The following NALCN variants were observed in gnomAD, a reference collection of about 807,000 sequenced individuals.
The protein encoded by NALCN is sodium leak channel, non-selective.
NALCN carries 111 observed loss-of-function variants against 225.3 expected under a neutral mutation model. The observed-to-expected ratio is 0.49, with a 90% CI of 0.42 to 0.58. The LOEUF is 0.58. Among genes scored for constraint, NALCN ranks in the 20% least tolerant of loss-of-function variants. NALCN has a pLI of 0.00. For synonymous variants in NALCN, 764 were observed against 769.0 expected (o/e 0.99, Z 0.11); for missense variants, 1,378 against 2,202.4 (o/e 0.63, Z 7.49).
chr13:101,334,487 ACT>A (rs2045310996), intron 7 of NALCN, among the ~76,000 whole-genome samples: 1 of 151,822 alleles, frequency 6.6e-6, no homozygotes, highest in African/African-American at 2.4e-5. Context: ...AAGAGAATGG[ACT>A]GCCAGTGTTC....
At chr13:101,313,863 T>C (rs529625214) in intron 7 of NALCN, among the ~76,000 whole-genome samples, 1 of 152,184 alleles carries the variant, frequency 6.6e-6, no homozygotes, top group East Asian at 1.9e-4. Flanking sequence ...CATGCACATG[T>C]ATGTTTATTG....
intron 7 of NALCN, among the ~76,000 whole-genome samples, chr13:101,339,935 G>A (rs2045501865): frequency 6.6e-6 from 1 of 152,068 alleles, no homozygotes; most frequent in Admixed American, 6.5e-5. Context: ...AAAATGAAAT[G>A]GGAGATATGA....
At chr13:101,406,346 G>T (rs2139537183) in intron 1 of NALCN, among the ~76,000 whole-genome samples, 1 of 151,936 alleles carries the variant, frequency 6.6e-6, no homozygotes, top group Admixed American at 6.6e-5. Flanking sequence ...AAAGAAAAAA[G>T]AATATGCACT....
chr13:101,342,224 C>A (rs1032081625), intron 7 of NALCN, among the ~76,000 whole-genome samples: 22 of 152,090 alleles, frequency 1.4e-4, no homozygotes, highest in African/African-American at 5.3e-4. Flanking sequence ...ACCTGGAGAG[C>A]CTTTAAAAGC....
At chr13:101,170,306 G>A (rs2038652921) in intron 15 of NALCN, among the ~76,000 whole-genome samples, 1 of 152,154 alleles carries the variant, frequency 6.6e-6, no homozygotes, top group African/African-American at 2.4e-5. Flanking sequence ...TTTACATGGT[G>A]CAGGCAATGA....
chr13:101,300,351 C>CTTCT (rs71121181), intron 7 of NALCN, among the ~76,000 whole-genome samples: 13 of 134,540 alleles, frequency 9.7e-5, no homozygotes, highest in African/African-American at 1.4e-4. Flanking sequence ...TTTTCTTTTT[C>CTTCT]TTCTTTCTTT....
intron 17 of NALCN, 60 bp from the exon 18 acceptor site, chr13:101,124,741 A>G: frequency 7.8e-7 from 1 of 1,287,734 alleles, no homozygotes; most frequent in Non-Finnish European, 1.1e-6. Flanking sequence ...TATACTGTCA[A>G]ATCATTCAAT....
At chr13:101,072,195 A>G (rs775879453) in intron 37 of NALCN, among the ~76,000 whole-genome samples, 55 of 152,368 alleles carry the variant, frequency 3.6e-4, no homozygotes, top group Admixed American at 8.5e-4. Context: ...AGAACCAGAA[A>G]GTGAGCAAAC....
chr13:101,069,014 T>C (rs1174909455), intron 37 of NALCN, among the ~76,000 whole-genome samples, 187 bp from the exon 38 acceptor site: 3 of 152,268 alleles, frequency 2.0e-5, no homozygotes, highest in African/African-American at 7.2e-5. Context: ...ATTTCACTTA[T>C]GCTATGCTGT....
At chr13:101,356,485 A>T (rs2046065449) in intron 6 of NALCN, among the ~76,000 whole-genome samples, 2 of 152,206 alleles carry the variant, frequency 1.3e-5, no homozygotes, top group Non-Finnish European at 2.9e-5. Context: ...CACCCTCCCA[A>T]GAAGTTGGCT....
chr13:101,310,481 AACT>A (rs1229535813), intron 7 of NALCN, among the ~76,000 whole-genome samples: 2 of 151,948 alleles, frequency 1.3e-5, no homozygotes, highest in African/African-American at 2.4e-5. Context: ...GCCCCTTCCC[AACT>A]ACTACATTTT....
chr13:101,120,264 C>T (rs1038698295), intron 18 of NALCN, among the ~76,000 whole-genome samples: 2 of 152,134 alleles, frequency 1.3e-5, no homozygotes, highest in Non-Finnish European at 2.9e-5. Flanking sequence ...AGCTTAATTT[C>T]CAGGGCTGAG....
chr13:101,358,601 T>G (rs151136002), intron 6 of NALCN, among the ~76,000 whole-genome samples: 4,916 of 152,276 alleles, frequency 0.032, 270 homozygotes, highest in African/African-American at 0.11. Flanking sequence ...TTGGTAGGAA[T>G]GTAAATTAGT....
At chr13:101,187,680 C>A (rs960139432) in intron 14 of NALCN, among the ~76,000 whole-genome samples, 1 of 152,092 alleles carries the variant, frequency 6.6e-6, no homozygotes, top group African/African-American at 2.4e-5. Context: ...CAATTGATAC[C>A]AGTGTTCACT....
rs57799563 is a variant in NALCN, at chr13:101,064,559, T to TACACACACAC, written c.4604+835_4604+844dup. Among the ~76,000 whole-genome samples, 1,027 of 148,292 alleles carry TACACACACAC rather than the reference T, an allele frequency of 6.9e-3. 10 individuals carry two copies. Among genetic ancestry groups the TACACACACAC allele is most frequent in the African/African-American group, 0.017 (673 of 40,314 alleles). Reference sequence around the variant, plus strand: ...ATAAAAGGAGGAATTTGAACATAGATACACACACACACACACACACACACA... The same window carrying TACACACACAC: ...ATAAAAGGAGGAATTTGAACATAGATACACACACACACACACACACACACACACACACACA... On this transcript the variant is annotated intron_variant, in intron 40 of 43. Coordinates refer to ENST00000251127, the MANE Select transcript of NALCN (RefSeq NM_052867.4).
At chr13:101,071,009 C>T (rs2032841217) in intron 37 of NALCN, among the ~76,000 whole-genome samples, 1 of 152,136 alleles carries the variant, frequency 6.6e-6, no homozygotes, top group Non-Finnish European at 1.5e-5. Context: ...TCTTATAAAA[C>T]CATCAGATCT....
intron 37 of NALCN, among the ~76,000 whole-genome samples, chr13:101,070,063 G>GTTTTTTTTTTTTTTTTT (rs71121162): frequency 1.0e-5 from 1 of 98,310 alleles, no homozygotes; most frequent in Non-Finnish European, 1.8e-5. Flanking sequence ...AATCATGAAT[G>GTTTTTTTTTTTTTTTTT]TTTTTTTTTT....
intron 37 of NALCN, among the ~76,000 whole-genome samples, chr13:101,069,829 A>G (rs946489457): frequency 6.6e-6 from 1 of 152,170 alleles, no homozygotes; most frequent in African/African-American, 2.4e-5. Flanking sequence ...GATCATCCAT[A>G]AGGAGCAATC....
intron 4 of NALCN, among the ~76,000 whole-genome samples, chr13:101,377,561 T>TA (rs994094567): frequency 7.2e-5 from 11 of 152,030 alleles, no homozygotes; most frequent in African/African-American, 2.4e-4. Flanking sequence ...CAAAGCTGAT[T>TA]AAAAAAATAT....
Sources: allele counts gnomAD v4.1 joint callset (sites outside exome capture counted in the v4.1 genomes callset), GRCh38; gene constraint gnomAD v4.1.1; transcripts MANE v1.5; gene names NCBI Gene and HGNC (gene_info 2026-07-23, HGNC 2026-07-21).